Variants in WWOX observed in about 807,000 individuals in gnomAD.
WWOX encodes WW domain-containing oxidoreductase.
A neutral mutation model predicts 46.2 loss-of-function variants in WWOX; 69 were observed. That is an observed-to-expected ratio of 1.49 (90% CI 1.23 to 1.82). The LOEUF is 1.82. Ranked by LOEUF, WWOX falls within the 40% of genes most tolerant of loss-of-function variation. The pLI, the probability that WWOX is intolerant of heterozygous loss-of-function variation, is 0.00. For synonymous variants in WWOX, 359 were observed against 202.6 expected (o/e 1.77, Z -6.56); for missense variants, 919 against 542.6 (o/e 1.69, Z -6.89).
chr16:79,045,780 C>CTTTCT (rs2048053509), intron 8 of WWOX, among the ~76,000 whole-genome samples: 1 of 54,226 alleles, frequency 1.8e-5, no homozygotes, highest in African/African-American at 5.4e-5. Context: ...TTTTCTTTTC[C>CTTTCT]TTTTTTTTTT....
At chr16:78,651,825 T>G (rs1342903419) in intron 8 of WWOX, among the ~76,000 whole-genome samples, 11 of 152,218 alleles carry the variant, frequency 7.2e-5, no homozygotes, top group Admixed American at 7.2e-4. Context: ...ACTGATTGGT[T>G]GGACTCATGC....
intron 7 of WWOX, among the ~76,000 whole-genome samples, chr16:78,431,944 A>G (rs535955739): frequency 1.3e-5 from 2 of 152,048 alleles, no homozygotes; most frequent in South Asian, 2.1e-4. Flanking sequence ...TTGAACTCCT[A>G]CACTCAAGCA....
intron 8 of WWOX, among the ~76,000 whole-genome samples, chr16:78,716,582 G>A (rs2048567417): frequency 6.6e-6 from 1 of 152,054 alleles, no homozygotes; most frequent in African/African-American, 2.4e-5. Context: ...CCCAGCCCCT[G>A]CCAGGCAAGT....
chr16:78,374,236 T>A (rs1470662457), intron 5 of WWOX, among the ~76,000 whole-genome samples: 1 of 152,214 alleles, frequency 6.6e-6, no homozygotes, highest in Non-Finnish European at 1.5e-5. Context: ...TCCCTGTTAG[T>A]CTTGAAAGTC....
chr16:79,170,332 C>A (rs558250789), intron 8 of WWOX, among the ~76,000 whole-genome samples: 2 of 152,160 alleles, frequency 1.3e-5, no homozygotes, highest in East Asian at 1.9e-4. Context: ...TATGCAAGGT[C>A]CCCCAGCTAG....
At chr16:78,394,568 C>G (rs1459932327) in intron 6 of WWOX, among the ~76,000 whole-genome samples, 4 of 152,262 alleles carry the variant, frequency 2.6e-5, no homozygotes, top group South Asian at 2.1e-4. Flanking sequence ...AGATCATACA[C>G]TCTCTTCCCA....
intron 8 of WWOX, among the ~76,000 whole-genome samples, chr16:78,722,674 T>G (rs909866919): frequency 6.6e-6 from 1 of 151,332 alleles, no homozygotes; most frequent in African/African-American, 2.4e-5. Flanking sequence ...GGAGCATGAT[T>G]TAAAGGAACT....
intron 8 of WWOX, among the ~76,000 whole-genome samples, chr16:79,044,172 G>A (rs759328838): frequency 3.5e-4 from 54 of 152,182 alleles, no homozygotes; most frequent in Non-Finnish European, 7.3e-4. Context: ...ACTGTGTTCA[G>A]GGAGGAGTCT....
chr16:78,849,093 T>G (rs944137602), intron 8 of WWOX, among the ~76,000 whole-genome samples: 1 of 152,170 alleles, frequency 6.6e-6, no homozygotes, highest in Non-Finnish European at 1.5e-5. Context: ...CAGGGTCTAC[T>G]TGGTGTCCCA....
intron 8 of WWOX, among the ~76,000 whole-genome samples, chr16:78,798,314 A>G (rs1057370158): frequency 5.9e-4 from 90 of 151,664 alleles, no homozygotes; most frequent in African/African-American, 2.1e-3. Flanking sequence ...CAAGAGAGAG[A>G]AAAAAAAAGA....
At chr16:78,862,055 G>C (rs143772857) in intron 8 of WWOX, among the ~76,000 whole-genome samples, 1 of 140,178 alleles carries the variant, frequency 7.1e-6, no homozygotes, top group East Asian at 1.9e-4. Flanking sequence ...TATATATATA[G>C]AGAGAGATAT....
rs747932254 is a variant in WWOX at position 78,371,960 on chromosome 16, C to T, written c.517-14900C>T. On this transcript the variant is annotated intron_variant, in intron 5 of 8. Coordinates refer to ENST00000566780, the MANE Select transcript of WWOX (RefSeq NM_016373.4). The stretch of plus-strand genomic sequence containing the variant: ...TATGTAACAGTGCTTATTGGGCGCT[C>T]AGTTGAGGCTGGAAATAGACATGTG... Among the ~76,000 whole-genome samples, 52 of 152,158 alleles carry T rather than the reference C, an allele frequency of 3.4e-4. 1 individual carries two copies. The highest frequency in any genetic ancestry group is 3.3e-4 in the Admixed American group (5 of 15,280).
At chr16:78,134,911 G>T (rs1323736013) in intron 4 of WWOX, among the ~76,000 whole-genome samples, 1 of 152,202 alleles carries the variant, frequency 6.6e-6, no homozygotes, top group African/African-American at 2.4e-5. Flanking sequence ...AGAAAATCCA[G>T]AAGAAAGCAT....
chr16:78,745,773 C>T (rs189466742), intron 8 of WWOX, among the ~76,000 whole-genome samples: 2 of 151,510 alleles, frequency 1.3e-5, no homozygotes, highest in Admixed American at 6.6e-5. Flanking sequence ...TTTTCCCCCC[C>T]CTTCAAATAG....
At chr16:78,695,217 G>C (rs1016852915) in intron 8 of WWOX, among the ~76,000 whole-genome samples, 5 of 152,028 alleles carry the variant, frequency 3.3e-5, no homozygotes, top group African/African-American at 1.2e-4. Context: ...GTTCCCTTTT[G>C]TTATTATTCT....
chr16:78,282,269 C>G (rs529096597), intron 5 of WWOX, among the ~76,000 whole-genome samples: 1 of 152,248 alleles, frequency 6.6e-6, no homozygotes, highest in African/African-American at 2.4e-5. Context: ...TAGCTTCTAC[C>G]GTCAATCTGC....
At chr16:78,819,963 C>T (rs1050700937) in intron 8 of WWOX, among the ~76,000 whole-genome samples, 3 of 152,136 alleles carry the variant, frequency 2.0e-5, no homozygotes, top group African/African-American at 7.2e-5. Flanking sequence ...TTAATTTATA[C>T]TCTTAGTTTG....
chr16:78,752,581 T>C (rs2049512063), intron 8 of WWOX, among the ~76,000 whole-genome samples: 1 of 152,208 alleles, frequency 6.6e-6, no homozygotes, highest in Non-Finnish European at 1.5e-5. Context: ...AAGAATATTC[T>C]TTCTAATATG....
intron 1 of WWOX, among the ~76,000 whole-genome samples, chr16:78,100,481 T>G (rs984592858): frequency 1.3e-5 from 2 of 152,198 alleles, no homozygotes; most frequent in Non-Finnish European, 2.9e-5. Context: ...CTCGAACTAC[T>G]GGGCTCAAGC....
Sources: allele counts gnomAD v4.1 joint callset (sites outside exome capture counted in the v4.1 genomes callset), GRCh38; gene constraint gnomAD v4.1.1; transcripts MANE v1.5; gene names NCBI Gene and HGNC (gene_info 2026-07-23, HGNC 2026-07-21).